The following ULK4 variants were observed in gnomAD, a reference collection of about 807,000 sequenced individuals.
ULK4 encodes the protein inactive serine/threonine-protein kinase ULK4.
Under a neutral mutation model 160.6 loss-of-function variants are expected in ULK4, and 133 were observed. That is an observed-to-expected ratio of 0.83 (90% CI 0.72 to 0.96). The LOEUF is 0.96. ULK4 is among the 40% of genes least tolerant of loss of function. The probability of loss-of-function intolerance (pLI) is 0.00; values close to 1 mark genes in which losing one functional copy is unlikely to be tolerated. For synonymous variants in ULK4, 534 were observed against 539.8 expected (o/e 0.99, Z 0.15); for missense variants, 1,580 against 1,499.5 (o/e 1.05, Z -0.89).
At chr3:41,672,102 G>A (rs1037655852) in intron 29 of ULK4, among the ~76,000 whole-genome samples, 1 of 152,114 alleles carries the variant, frequency 6.6e-6, no homozygotes, top group Non-Finnish European at 1.5e-5. Context: ...GGAGAAAAGG[G>A]AATTCTTACG....
chr3:41,746,028 C>G (rs2038406941), intron 22 of ULK4, among the ~76,000 whole-genome samples: 1 of 150,422 alleles, frequency 6.6e-6, no homozygotes, highest in Non-Finnish European at 1.5e-5. Context: ...TAAAGAATAT[C>G]TACAAAAAAT....
intron 27 of ULK4, among the ~76,000 whole-genome samples, chr3:41,701,247 T>C (rs1363073054): frequency 2.0e-5 from 3 of 151,930 alleles, no homozygotes; most frequent in Admixed American, 6.6e-5. Context: ...ACAGAATAAG[T>C]AAAAAAGAAA....
chr3:41,681,508 T>C lies in ULK4; in HGVS notation c.2978A>G (p.Gln993Arg), dbSNP rs775692004. The C allele has an allele frequency of 1.9e-6, 3 of 1,613,982 alleles. No homozygotes were observed. The highest frequency in any genetic ancestry group is 2.2e-5 in the East Asian group (1 of 44,872). ...LALIRDVLLP[Q>R]YEHILLEPDP... ...ATGAATACAACTGCATGATACTTAC[T>C]GGGGAAGTAAGACATCTCGAATGAG... Residue 993 changes from glutamine (Q) to arginine (R), a missense_variant and splice_region_variant, in exon 29 of 37, where the codon CAG becomes CGG. Coordinates refer to ENST00000301831, the MANE Select transcript of ULK4 (RefSeq NM_017886.4).
At chr3:41,939,094 C>A (rs1266546029) in intron 2 of ULK4, among the ~76,000 whole-genome samples, 2 of 151,516 alleles carry the variant, frequency 1.3e-5, no homozygotes, top group Non-Finnish European at 2.9e-5. Context: ...ACTTATACCA[C>A]GACTAAACCA....
chr3:41,463,400 GTTGT>G, intron 32 of ULK4, 147 bp from the exon 33 acceptor site: 1 of 760,032 alleles, frequency 1.3e-6, no homozygotes, highest in Non-Finnish European at 2.0e-6. Flanking sequence ...ACTGAGGAAA[GTTGT>G]TTAAAATGCA....
At chr3:41,772,133 T>C (rs909367306) in intron 21 of ULK4, among the ~76,000 whole-genome samples, 18 of 152,136 alleles carry the variant, frequency 1.2e-4, no homozygotes, top group Non-Finnish European at 1.0e-4. Flanking sequence ...AGATCTAAAA[T>C]TGACACCCTA....
intron 20 of ULK4, among the ~76,000 whole-genome samples, chr3:41,791,793 A>G (rs926625093): frequency 6.6e-6 from 1 of 152,174 alleles, no homozygotes; most frequent in South Asian, 2.1e-4. Context: ...TGCACTGAAA[A>G]AATGAGCATT....
At chr3:41,947,479 A>ATT (rs1388028390) in intron 2 of ULK4, among the ~76,000 whole-genome samples, 6 of 152,080 alleles carry the variant, frequency 3.9e-5, no homozygotes, top group African/African-American at 1.4e-4. Flanking sequence ...ACATGTAATT[A>ATT]TTTTCTCGGC....
At chr3:41,549,827 AC>A (rs1328863783) in intron 32 of ULK4, among the ~76,000 whole-genome samples, 1 of 152,154 alleles carries the variant, frequency 6.6e-6, no homozygotes, top group African/African-American at 2.4e-5. Context: ...TAAGGAAATG[AC>A]CATCAGGCTA....
chr3:41,716,468 C>T (rs1466547610), intron 23 of ULK4, among the ~76,000 whole-genome samples: 1 of 152,012 alleles, frequency 6.6e-6, no homozygotes, highest in Non-Finnish European at 1.5e-5. Context: ...CAAATTATAG[C>T]CTTCAGGTTT....
At chr3:41,565,995 G>T in intron 32 of ULK4, 30 bp downstream of exon 32, 3 of 1,569,286 alleles carry the variant, frequency 1.9e-6, no homozygotes, top group South Asian at 1.1e-5. Flanking sequence ...GGCAAAACTT[G>T]ATCAGAGAGT....
At chr3:41,908,149 ATACAG>A (rs1477415043) in intron 11 of ULK4, among the ~76,000 whole-genome samples, 5 of 152,116 alleles carry the variant, frequency 3.3e-5, no homozygotes. Flanking sequence ...TCTTTTATTT[ATACAG>A]TATTTTCCTT....
chr3:41,918,135 T>C (rs1699037492), intron 7 of ULK4, among the ~76,000 whole-genome samples: 1 of 152,212 alleles, frequency 6.6e-6, no homozygotes, highest in Non-Finnish European at 1.5e-5. Context: ...GGGATACGAC[T>C]ACAAAGTAAG....
chr3:41,775,321 C>G (rs904663742), intron 21 of ULK4, among the ~76,000 whole-genome samples: 1 of 149,758 alleles, frequency 6.7e-6, no homozygotes, highest in Non-Finnish European at 1.5e-5. Flanking sequence ...ATTCAGTAAA[C>G]AAAATTTACA....
chr3:41,823,317 G>C (rs1363961362), intron 18 of ULK4, among the ~76,000 whole-genome samples: 2 of 152,192 alleles, frequency 1.3e-5, no homozygotes, highest in African/African-American at 4.8e-5. Flanking sequence ...GCTGGAAGGA[G>C]TGAGTAGGAA....
intron 32 of ULK4, among the ~76,000 whole-genome samples, chr3:41,491,805 T>C (rs1323506365): frequency 6.6e-6 from 1 of 152,000 alleles, no homozygotes; most frequent in East Asian, 1.9e-4. Context: ...TATGTATACA[T>C]GTGCCATGTT....
chr3:41,827,941 C>T (rs1470887012), intron 18 of ULK4, among the ~76,000 whole-genome samples: 1 of 152,002 alleles, frequency 6.6e-6, no homozygotes, highest in Non-Finnish European at 1.5e-5. Context: ...CATCAAAAAG[C>T]TTATCCACCA....
chr3:41,816,929 G>A (rs367862658), intron 19 of ULK4, among the ~76,000 whole-genome samples: 5 of 152,160 alleles, frequency 3.3e-5, no homozygotes, highest in South Asian at 2.1e-4. Flanking sequence ...ACACACATGC[G>A]CACACACAGA....
chr3:41,509,710 G>T (rs1162513589), intron 32 of ULK4, among the ~76,000 whole-genome samples: 3 of 152,138 alleles, frequency 2.0e-5, no homozygotes, highest in Non-Finnish European at 4.4e-5. Context: ...CAAGAATTTT[G>T]TATCTGGCGA....
Sources: gnomAD v4.1 joint callset for allele counts (sites outside exome capture counted in the v4.1 genomes callset) on GRCh38, gnomAD v4.1.1 for gene constraint, MANE v1.5 for transcripts, NCBI Gene and HGNC (gene_info 2026-07-23, HGNC 2026-07-21) for gene names.